The following CDH20 variants were observed in gnomAD, a reference collection of about 807,000 sequenced individuals.
CDH20 encodes cadherin 20.
In CDH20, 29 loss-of-function variants were observed where a neutral mutation model predicts 74.2. That is an observed-to-expected ratio of 0.39 (90% CI 0.29 to 0.53). CDH20 has a LOEUF of 0.53. Among genes scored for constraint, CDH20 ranks in the 20% least tolerant of loss-of-function variants. The pLI is 0.69. For synonymous variants in CDH20, 469 were observed against 405.4 expected, an observed-to-expected ratio of 1.16 and a Z score of -1.88; for missense variants, 988 against 1,048.3, an observed-to-expected ratio of 0.94 and a Z score of 0.79.
chr18:61,497,419 A>G (rs1047966977), intron 2 of CDH20, among the ~76,000 whole-genome samples: 2 of 152,178 alleles, frequency 1.3e-5, no homozygotes, highest in African/African-American at 4.8e-5. Context: ...TTTAATCCTC[A>G]GAGTAACACT....
intron 1 of CDH20, among the ~76,000 whole-genome samples, chr18:61,425,089 C>A (rs1455358184): frequency 6.7e-6 from 1 of 149,878 alleles, no homozygotes; most frequent in African/African-American, 2.5e-5. Context: ...CTCACTCCGG[C>A]TCTAGGTATA....
chr18:61,416,143 T>G (rs1478915071), intron 1 of CDH20, among the ~76,000 whole-genome samples: 1 of 152,232 alleles, frequency 6.6e-6, no homozygotes, highest in Non-Finnish European at 1.5e-5. Flanking sequence ...GATTTAATTT[T>G]TTTCTGTTTA....
At chr18:61,389,751 C>T (rs529245780) in intron 1 of CDH20, among the ~76,000 whole-genome samples, 101 of 152,096 alleles carry the variant, frequency 6.6e-4, no homozygotes, top group Non-Finnish European at 1.2e-3. Context: ...AAACACTAAT[C>T]TGCTTGTACC....
At chr18:61,451,893 T>C (rs1909399858) in intron 1 of CDH20, among the ~76,000 whole-genome samples, 1 of 152,162 alleles carries the variant, frequency 6.6e-6, no homozygotes, top group Non-Finnish European at 1.5e-5. Flanking sequence ...AGAACTGACA[T>C]ACCACATGCA....
At chr18:61,388,110 G>T (rs1286611042) in intron 1 of CDH20, among the ~76,000 whole-genome samples, 1 of 152,192 alleles carries the variant, frequency 6.6e-6, no homozygotes, top group African/African-American at 2.4e-5. Flanking sequence ...GTTCACAGGG[G>T]AAGGAGAAGA....
At chr18:61,551,655 T>G (rs963314412) in intron 11 of CDH20, among the ~76,000 whole-genome samples, 1 of 152,214 alleles carries the variant, frequency 6.6e-6, no homozygotes, top group Non-Finnish European at 1.5e-5. Flanking sequence ...GGTCCCTGAC[T>G]GCATTGACAA....
chr18:61,342,071 T>C (rs149020118), intron 1 of CDH20, among the ~76,000 whole-genome samples: 1,917 of 152,312 alleles, frequency 0.013, 16 homozygotes, highest in Non-Finnish European at 0.017. Context: ...ATTATTTGAC[T>C]CATGGAGCTG....
intron 10 of CDH20, among the ~76,000 whole-genome samples, chr18:61,548,249 T>G (rs1203144398): frequency 2.0e-5 from 3 of 152,210 alleles, no homozygotes; most frequent in Non-Finnish European, 4.4e-5. Flanking sequence ...ATCTGAATTT[T>G]TTTTGACAGT....
chr18:61,469,199 A>G (rs1910071679), intron 1 of CDH20, among the ~76,000 whole-genome samples: 1 of 152,162 alleles, frequency 6.6e-6, no homozygotes, highest in Non-Finnish European at 1.5e-5. Context: ...TCAGAACAAC[A>G]ACAACAAATG....
intron 1 of CDH20, among the ~76,000 whole-genome samples, chr18:61,390,960 A>G (rs567642381): frequency 2.6e-5 from 4 of 152,310 alleles, no homozygotes; most frequent in Admixed American, 2.6e-4. Flanking sequence ...AAAACCACTG[A>G]CAGATGACAG....
intron 9 of CDH20, among the ~76,000 whole-genome samples, chr18:61,543,042 G>A (rs541141884): frequency 6.6e-6 from 1 of 152,274 alleles, no homozygotes; most frequent in South Asian, 2.1e-4. Context: ...AACCATAGGA[G>A]TGGGTAGGTG....
rs932206853 is a variant in CDH20, at chr18:61,353,203, G to A, written c.-153+19376G>A. On this transcript the variant is annotated intron_variant, in intron 1 of 11. Coordinates refer to ENST00000262717, the MANE Select transcript of CDH20 (RefSeq NM_031891.4). The surrounding 1 kb of genome is among the most constrained non-coding windows in gnomAD (Gnocchi z 4.6). ...AATTGTCTACATAACAAAGCTCAGA[G>A]TTTTTAGCGTGGCATTAGTTTCTCC... Among the ~76,000 whole-genome samples the A allele has an allele frequency of 2.0e-5, 3 of 152,166 alleles. No individual in the cohort carries two copies. The highest frequency in any genetic ancestry group is 6.5e-5 in the Admixed American group (1 of 15,276).
chr18:61,491,944 G>C lies in CDH20; in HGVS notation c.246+1145G>C, dbSNP rs115586040. On this transcript the variant is annotated intron_variant, in intron 2 of 11. Coordinates refer to ENST00000262717, the MANE Select transcript of CDH20 (RefSeq NM_031891.4). ...CCTGACCCCATTTGTTGGTGGGCTT[G>C]TCAGCTTTGCCCTAGCCTCTTCTCC... is the stretch of plus-strand genomic sequence containing the variant. 3.9e-3 allele frequency among the ~76,000 whole-genome samples: 592 copies of C among 152,092 alleles called. 8 individuals carry two copies. Among genetic ancestry groups the C allele is most frequent in the African/African-American group, 0.013 (549 of 41,492 alleles).
intron 1 of CDH20, among the ~76,000 whole-genome samples, chr18:61,388,781 T>C (rs913287548): frequency 6.6e-6 from 1 of 152,096 alleles, no homozygotes; most frequent in Admixed American, 6.6e-5. Context: ...AGAAAGCCAG[T>C]GAGGGAAATC....
Position 61,555,409 on chromosome 18 carries a change from T to G in CDH20, c.*714T>G, listed in dbSNP as rs904716895. The G allele has an allele frequency of 1.0e-6, 1 of 985,370 alleles. No individual in the cohort carries two copies. Among genetic ancestry groups the G allele is most frequent in the African/African-American group, 1.7e-5 (1 of 57,250 alleles). 61.0% of individuals were successfully genotyped at this position (985,370 alleles called of 1,614,324 possible). ...TAGAGTGCTCGTGTCTCCTCTCAGCTATTTAACTGTGCCCCTGCAAAATTG... is the reference window on the plus strand; with the variant it reads ...TAGAGTGCTCGTGTCTCCTCTCAGCGATTTAACTGTGCCCCTGCAAAATTG... On this transcript the variant is annotated 3_prime_UTR_variant, in exon 12 of 12. Coordinates refer to ENST00000262717, the MANE Select transcript of CDH20 (RefSeq NM_031891.4).
intron 1 of CDH20, among the ~76,000 whole-genome samples, chr18:61,417,578 T>TAAAAAAAAAAAAAAAAAAAAAA (rs545256689): frequency 3.2e-5 from 2 of 62,342 alleles, no homozygotes; most frequent in African/African-American, 1.6e-4. Context: ...ATGTGGGAGC[T>TAAAAAAAAAAAAAAAAAAAAAA]AAAAAAAAAA....
At chr18:61,337,771 T>C (rs1909806820) in intron 1 of CDH20, among the ~76,000 whole-genome samples, 2 of 152,322 alleles carry the variant, frequency 1.3e-5, no homozygotes, top group South Asian at 2.1e-4. Context: ...ATACACAGCA[T>C]TAAGCACATG....
chr18:61,412,507 CA>C (rs1912547848), intron 1 of CDH20, among the ~76,000 whole-genome samples: 1 of 151,790 alleles, frequency 6.6e-6, no homozygotes, highest in African/African-American at 2.4e-5. Context: ...GATACATGTC[CA>C]AAAAAGATTA....
chr18:61,547,139 A>G (rs1373208673), intron 10 of CDH20, among the ~76,000 whole-genome samples: 4 of 152,146 alleles, frequency 2.6e-5, no homozygotes, highest in Non-Finnish European at 5.9e-5. Context: ...GATCAGCCTG[A>G]GCAACACACC....
Sources: allele counts gnomAD v4.1 joint callset (sites outside exome capture counted in the v4.1 genomes callset), GRCh38; gene constraint gnomAD v4.1.1; non-coding constraint Gnocchi (gnomAD v3.1); transcripts MANE v1.5; gene names NCBI Gene and HGNC (gene_info 2026-07-23, HGNC 2026-07-21).